The following TM4SF19 variants were observed in gnomAD, a reference collection of about 807,000 sequenced individuals.
TM4SF19 encodes transmembrane 4 L6 family member 19.
A neutral mutation model predicts 21.8 loss-of-function variants in TM4SF19; 17 were observed. The ratio of observed to expected loss-of-function variants is 0.78; its 90% CI spans 0.53 to 1.17. The LOEUF is 1.17. Ranked by LOEUF, TM4SF19 falls within the 50% of genes most tolerant of loss-of-function variation. TM4SF19 has a pLI of 0.00. For synonymous variants in TM4SF19, 107 were observed against 106.7 expected (o/e 1.00, Z -0.02); for missense variants, 216 against 252.1 (o/e 0.86, Z 0.97).
Position 196,323,708 on chromosome 3 carries a change from G to C in TM4SF19, c.*109C>G. 6.3e-7 allele frequency: 1 copy of C among 1,579,728 alleles called. No homozygotes were observed. Among genetic ancestry groups the C allele is most frequent in the Non-Finnish European group, 8.6e-7 (1 of 1,161,764 alleles). On this transcript the variant is annotated 3_prime_UTR_variant, in exon 5 of 5. Transcript: ENST00000273695. The stretch of plus-strand genomic sequence containing the variant: ...AATTTTGTTGTCATTATTACTCCAG[G>C]GATACCTAAAGGGGAAGTTTGTTTA...
intron 1 of TM4SF19, among the ~76,000 whole-genome samples, chr3:196,328,450 ACAAG>A (rs1210062847): frequency 1.3e-5 from 2 of 152,220 alleles, no homozygotes; most frequent in Non-Finnish European, 2.9e-5. Flanking sequence ...ATTTCTATAT[ACAAG>A]CAATGACAAA....
rs556458853 is a variant in TM4SF19 at position 196,330,137 on chromosome 3, G to A, written c.-1-2546C>T. Among the ~76,000 whole-genome samples, 25 of 132,036 alleles carry A rather than the reference G, an allele frequency of 1.9e-4. No individual in the cohort carries two copies. In the East Asian group the frequency reaches 6.8e-3, roughly 36 times the overall value. 86.6% of individuals were successfully genotyped at this position (132,036 alleles called of 152,430 possible). A position where few individuals can be genotyped will look rare whatever the true frequency, so the allele number is the denominator to read the frequency against. On this transcript the variant is annotated intron_variant, in intron 1 of 4. Transcript: ENST00000273695. ...TCTGCCCGCCTCGGCCTCCCACCGCGCGCGGTGGTTTTGGGGTTTTTTTAG... is the reference window on the plus strand; with the variant it reads ...TCTGCCCGCCTCGGCCTCCCACCGCACGCGGTGGTTTTGGGGTTTTTTTAG...
chr3:196,337,070 TTTTTTTTTG>T (rs1727791575), intron 1 of TM4SF19, among the ~76,000 whole-genome samples: 2 of 142,416 alleles, frequency 1.4e-5, no homozygotes, highest in Non-Finnish European at 3.1e-5. Context: ...TTTTTTTTTT[TTTTTTTTTG>T]AGACACAGTC....
intron 1 of TM4SF19, among the ~76,000 whole-genome samples, chr3:196,331,062 T>C (rs1007773969): frequency 6.6e-6 from 1 of 151,980 alleles, no homozygotes; most frequent in African/African-American, 2.4e-5. Flanking sequence ...TCGCCTGATG[T>C]CAGGAGTTTG....
intron 4 of TM4SF19, 115 bp downstream of exon 4, chr3:196,324,156 G>A: frequency 6.9e-7 from 1 of 1,452,176 alleles, no homozygotes; most frequent in Non-Finnish European, 9.6e-7. Flanking sequence ...GAGTATCAGA[G>A]GAGCAAGATG....
intron 1 of TM4SF19, among the ~76,000 whole-genome samples, chr3:196,335,982 G>A (rs1727742632): frequency 6.6e-6 from 1 of 152,098 alleles, no homozygotes. Flanking sequence ...GCCAGGAGAC[G>A]CCGTTGTGCA....
intron 4 of TM4SF19, 117 bp from the exon 5 acceptor site, chr3:196,324,114 G>C (rs778162165): frequency 1.2e-5 from 17 of 1,442,088 alleles, no homozygotes; most frequent in Admixed American, 1.1e-4. Flanking sequence ...GGCTCATGAG[G>C]GTGACCGTTA....
intron 3 of TM4SF19, among the ~76,000 whole-genome samples, chr3:196,326,430 T>C (rs1199842236): frequency 2.6e-5 from 4 of 151,974 alleles, no homozygotes; most frequent in Non-Finnish European, 5.9e-5. Flanking sequence ...TACACACACA[T>C]ATACTGAGAT....
At chr3:196,331,312 TTA>T (rs1727497301) in intron 1 of TM4SF19, among the ~76,000 whole-genome samples, 1 of 150,284 alleles carries the variant, frequency 6.7e-6, no homozygotes, top group Non-Finnish European at 1.5e-5. Context: ...TATATATGAA[TTA>T]AAATAGGACT....
At chr3:196,332,929 T>C (rs1039213211) in intron 1 of TM4SF19, among the ~76,000 whole-genome samples, 5 of 149,006 alleles carry the variant, frequency 3.4e-5, no homozygotes, top group African/African-American at 1.2e-4. Context: ...CATTGTTCAC[T>C]GCAGCCCTGA....
intron 3 of TM4SF19, among the ~76,000 whole-genome samples, chr3:196,326,120 G>A (rs555898748): frequency 5.3e-5 from 8 of 152,064 alleles, no homozygotes; most frequent in Non-Finnish European, 8.8e-5. Context: ...GATTACAGGC[G>A]CCCACCACCA....
rs1727246414 is a variant in TM4SF19 at position 196,325,401 on chromosome 3, T to A, written c.280-961A>T. On this transcript the variant is annotated intron_variant, in intron 3 of 4. Transcript: ENST00000273695. The surrounding 1 kb of genome is among the most constrained non-coding windows in gnomAD (Gnocchi z 4.3). ...ATTTTTAGTAGAAATGGGGTTTCAC[T>A]GTGTTGGTCATGCCGGTCTCAATCT... 6.6e-6 allele frequency: 1 copy of A among 152,140 alleles called. No homozygotes were observed. The highest frequency in any genetic ancestry group is 2.1e-4 in the South Asian group (1 of 4,824). The allele number at this position is 152,140 out of a possible 1,614,324, so 9.4% of individuals were successfully genotyped here.
In TM4SF19 at chr3:196,323,678, C is replaced by A; in HGVS notation, c.*139G>T. 1 of 1,507,466 alleles carries A rather than the reference C, an allele frequency of 6.6e-7. No individual in the cohort carries two copies. The highest frequency in any genetic ancestry group is 1.2e-5 in the South Asian group (1 of 82,492). The allele number at this position is 1,507,466 out of a possible 1,614,324, so 93.4% of individuals were successfully genotyped here. A position where few individuals can be genotyped will look rare whatever the true frequency, so the allele number is the denominator to read the frequency against. ...TGCATTCTATCATTCCACCGACCTG[C>A]AGTGAATTTTGTTGTCATTATTACT... On this transcript the variant is annotated 3_prime_UTR_variant, in exon 5 of 5. Transcript: ENST00000273695.
intron 1 of TM4SF19, among the ~76,000 whole-genome samples, chr3:196,330,538 C>A (rs1646568788): frequency 6.6e-6 from 1 of 152,204 alleles, no homozygotes; most frequent in African/African-American, 2.4e-5. Flanking sequence ...TAATAAAATG[C>A]GTAAATTTCT....
At chr3:196,327,109 G>C in intron 2 of TM4SF19, 77 bp from the exon 3 acceptor site, 1 of 1,239,550 alleles carries the variant, frequency 8.1e-7, no homozygotes, top group Non-Finnish European at 1.2e-6. Flanking sequence ...ACAGCTGTTA[G>C]AGTGGCTGGC....
At position 196,326,960 on chromosome 3, in the gene TM4SF19, G is replaced by C. The variant is rs373347811; in HGVS notation, c.274C>G (p.Arg92Gly). The C allele has an allele frequency of 1.9e-6, 3 of 1,609,742 alleles. No individual in the cohort carries two copies. The highest frequency in any genetic ancestry group is 2.2e-5 in the East Asian group (1 of 44,728). ...YGCFSKSGLC[R>G]SVLTALLSGG... is the part of the protein sequence containing the mutation. ...GAGTGGAATCTGGTGCTTACGCTTC[G>C]ACAGAGCCCACTCTTACTGAAGCAG... Residue 92 changes from arginine (R) to glycine (G), a missense_variant, in exon 3 of 5, where the codon CGA becomes GGA. Arg to Gly is a moderately radical substitution (Grantham distance 125). Transcript: ENST00000273695.
At chr3:196,327,090 G>A in intron 2 of TM4SF19, 58 bp from the exon 3 acceptor site, 2 of 1,426,752 alleles carry the variant, frequency 1.4e-6, no homozygotes, top group Non-Finnish European at 2.0e-6. Context: ...CTGTTTCTAG[G>A]TGCTGCCCAC....
intron 1 of TM4SF19, among the ~76,000 whole-genome samples, chr3:196,336,914 T>C (rs1012406430): frequency 3.9e-5 from 6 of 152,158 alleles, no homozygotes; most frequent in African/African-American, 9.7e-5. Context: ...TCATTCTTCC[T>C]TCAGTCGGAT....
intron 1 of TM4SF19, among the ~76,000 whole-genome samples, chr3:196,330,237 A>G (rs1727455469): frequency 6.6e-6 from 1 of 152,102 alleles, no homozygotes; most frequent in Non-Finnish European, 1.5e-5. Flanking sequence ...CCGTGCCTCC[A>G]GAGTAGCTAT....
Sources: gnomAD v4.1 joint callset for allele counts (sites outside exome capture counted in the v4.1 genomes callset) on GRCh38, gnomAD v4.1.1 for gene constraint, Gnocchi (gnomAD v3.1) non-coding constraint, MANE v1.5 for transcripts, NCBI Gene and HGNC (gene_info 2026-07-23, HGNC 2026-07-21) for gene names.